Variants in EXOC4 observed in about 807,000 individuals in gnomAD.
EXOC4 encodes the protein SEC8-like 1.
A neutral mutation model predicts 107.2 loss-of-function variants in EXOC4; 71 were observed. The observed-to-expected ratio is 0.66, with a 90% CI of 0.55 to 0.81. The LOEUF is 0.81. Ranked by LOEUF, EXOC4 falls within the 30% of genes least tolerant of loss-of-function variation. The probability of loss-of-function intolerance (pLI) is 0.00; values close to 1 mark genes in which losing one functional copy is unlikely to be tolerated. For synonymous variants in EXOC4, 456 were observed against 441.2 expected (o/e 1.03, Z -0.42); for missense variants, 1,108 against 1,189.6 (o/e 0.93, Z 1.01).
intron 14 of EXOC4, among the ~76,000 whole-genome samples, chr7:133,962,238 C>T (rs1008310096): frequency 6.6e-6 from 1 of 152,140 alleles, no homozygotes; most frequent in Non-Finnish European, 1.5e-5. Context: ...GGTGAAAATT[C>T]CGCATCAAAC....
intron 4 of EXOC4, among the ~76,000 whole-genome samples, chr7:133,315,842 T>C (rs1794979526): frequency 6.6e-6 from 1 of 152,166 alleles, no homozygotes. Context: ...CTGTTTGGTT[T>C]AGTTCATATC....
chr7:133,533,564 A>G (rs2150923779), intron 9 of EXOC4, among the ~76,000 whole-genome samples: 1 of 152,222 alleles, frequency 6.6e-6, no homozygotes, highest in East Asian at 1.9e-4. Context: ...AAAAAGGGAC[A>G]TTGGTATTGT....
chr7:133,821,518 C>T (rs1037010804), intron 11 of EXOC4, among the ~76,000 whole-genome samples: 5 of 152,062 alleles, frequency 3.3e-5, no homozygotes, highest in African/African-American at 9.7e-5. Context: ...CTGTTGAATC[C>T]AGTAATAAAA....
chr7:133,912,393 T>C (rs1459136554), intron 12 of EXOC4, among the ~76,000 whole-genome samples: 1 of 152,164 alleles, frequency 6.6e-6, no homozygotes, highest in Non-Finnish European at 1.5e-5. Flanking sequence ...TCAGGACTAT[T>C]TTACATTGGG....
intron 13 of EXOC4, among the ~76,000 whole-genome samples, chr7:133,932,898 G>A (rs1800211438): frequency 6.8e-6 from 1 of 146,198 alleles, no homozygotes; most frequent in Admixed American, 6.8e-5. Flanking sequence ...GAAAGATTTG[G>A]GGAATAGGAC....
In EXOC4 at chr7:133,997,646, C is replaced by T; in HGVS notation, c.2348+13C>T. 1 of 1,611,472 alleles carries T rather than the reference C, an allele frequency of 6.2e-7. No homozygotes were observed. Among genetic ancestry groups the T allele is most frequent in the Non-Finnish European group, 8.5e-7 (1 of 1,178,720 alleles). On this transcript the variant is annotated intron_variant, in intron 15 of 17. Transcript: ENST00000253861. ...ATCTGGAAGTGAGGTATGATACAGC[C>T]AAGCCCAGGACCTTGCAATTTGAAT...
intron 10 of EXOC4, among the ~76,000 whole-genome samples, chr7:133,720,507 A>ATTTTATTTTCTATTCATG (rs1795085966): frequency 6.6e-6 from 1 of 152,130 alleles, no homozygotes; most frequent in Admixed American, 6.6e-5. Context: ...TTTTGGGGGT[A>ATTTTATTTTCTATTCATG]TTTTATTTTC....
intron 7 of EXOC4, among the ~76,000 whole-genome samples, chr7:133,430,780 T>A (rs1797839154): frequency 1.3e-5 from 2 of 152,178 alleles, no homozygotes; most frequent in Non-Finnish European, 2.9e-5. Context: ...GAAAAAATAG[T>A]TTTACCCTTT....
chr7:133,281,580 A>G (rs1265564160), intron 2 of EXOC4, among the ~76,000 whole-genome samples: 2 of 152,050 alleles, frequency 1.3e-5, no homozygotes, highest in African/African-American at 4.8e-5. Context: ...GGATATTTCT[A>G]GTCTGTAGTT....
At chr7:133,734,540 G>A (rs552857002) in intron 10 of EXOC4, among the ~76,000 whole-genome samples, 72 of 150,438 alleles carry the variant, frequency 4.8e-4, no homozygotes, top group Middle Eastern at 3.5e-3. Flanking sequence ...TTTTTCCCCC[G>A]GTTTCTGTAT....
intron 9 of EXOC4, among the ~76,000 whole-genome samples, chr7:133,514,605 G>T (rs189931840): frequency 1.3e-5 from 2 of 152,304 alleles, no homozygotes; most frequent in East Asian, 3.9e-4. Flanking sequence ...GTATCTAAAT[G>T]ATTGATGAGA....
chr7:133,273,240 T>C (rs114857458), intron 1 of EXOC4, among the ~76,000 whole-genome samples: 1,945 of 152,344 alleles, frequency 0.013, 30 homozygotes, highest in African/African-American at 0.044. Flanking sequence ...AGCTGCTCTG[T>C]ACCCAAATAT....
At chr7:133,254,642 A>G (rs1794972430) in intron 1 of EXOC4, among the ~76,000 whole-genome samples, 2 of 152,238 alleles carry the variant, frequency 1.3e-5, no homozygotes, top group South Asian at 2.1e-4. Context: ...TGTTGACTTA[A>G]TGAGTAAATG....
intron 11 of EXOC4, among the ~76,000 whole-genome samples, chr7:133,867,342 T>C (rs994540589): frequency 6.6e-6 from 1 of 152,244 alleles, no homozygotes; most frequent in African/African-American, 2.4e-5. Context: ...TGAACACTTT[T>C]AAACACAGTA....
At chr7:133,854,412 A>G (rs978919066) in intron 11 of EXOC4, among the ~76,000 whole-genome samples, 1,677 of 131,976 alleles carry the variant, frequency 0.013, 40 homozygotes, top group African/African-American at 0.048. Flanking sequence ...GAAAGAGCAC[A>G]CACACACACA....
In EXOC4 at chr7:133,851,475, G is replaced by T. The variant is rs74849820; in HGVS notation, c.1734+33931G>T. Among the ~76,000 whole-genome samples, 314 of 152,306 alleles carry T rather than the reference G, an allele frequency of 2.1e-3. 2 individuals are homozygous for T. The highest frequency in any genetic ancestry group is 4.2e-3 in the Non-Finnish European group (283 of 68,028). On this transcript the variant is annotated intron_variant, in intron 11 of 17. Transcript: ENST00000253861. ...CTGGGACTACAGGTGTGAGCCACTGGCCCTGCCAGGGTGGCATGTTTTGAT... is the reference window on the plus strand; with the variant it reads ...CTGGGACTACAGGTGTGAGCCACTGTCCCTGCCAGGGTGGCATGTTTTGAT...
intron 11 of EXOC4, among the ~76,000 whole-genome samples, chr7:133,819,246 A>G (rs540027061): frequency 7.0e-6 from 1 of 142,238 alleles, no homozygotes; most frequent in Non-Finnish European, 1.5e-5. Context: ...CTTCATTCAT[A>G]TTTCTTTATT....
intron 9 of EXOC4, among the ~76,000 whole-genome samples, chr7:133,623,945 A>G (rs1802392457): frequency 6.6e-6 from 1 of 152,172 alleles, no homozygotes; most frequent in African/African-American, 2.4e-5. Context: ...TGGCAGGGTG[A>G]CAGCTGTGAA....
intron 7 of EXOC4, among the ~76,000 whole-genome samples, chr7:133,400,048 T>C (rs1041411299): frequency 6.6e-6 from 1 of 152,244 alleles, no homozygotes; most frequent in Non-Finnish European, 1.5e-5. Flanking sequence ...CACTTTTATA[T>C]GCATTTTGAA....
Sources: allele counts gnomAD v4.1 joint callset (sites outside exome capture counted in the v4.1 genomes callset), GRCh38; gene constraint gnomAD v4.1.1; transcripts MANE v1.5; gene names NCBI Gene and HGNC (gene_info 2026-07-23, HGNC 2026-07-21).